PPP2R5E: variants seen among roughly 807,000 people sequenced by gnomAD.
The protein encoded by PPP2R5E is serine/threonine-protein phosphatase 2A 56 kDa regulatory subunit epsilon isoform.
In PPP2R5E, 4 loss-of-function variants were observed where a neutral mutation model predicts 65.3. That is an observed-to-expected ratio of 0.06 (90% confidence interval 0.03 to 0.14). The LOEUF is 0.14. Among genes scored for constraint, PPP2R5E ranks in the 10% least tolerant of loss-of-function variants. The pLI is 1.00. For missense variants in PPP2R5E, 274 were observed against 556.1 expected, an observed-to-expected ratio of 0.49 and a Z score of 5.10; for synonymous variants, 183 against 187.4, an observed-to-expected ratio of 0.98 and a Z score of 0.19.
At chr14:63,493,481 C>CGT (rs1891383706) in intron 2 of PPP2R5E, among the ~76,000 whole-genome samples, 1 of 115,012 alleles carries the variant, frequency 8.7e-6, no homozygotes, top group East Asian at 2.4e-4. Flanking sequence ...TTACCGCGCG[C>CGT]GCGTGTGTGT....
intron 3 of PPP2R5E, among the ~76,000 whole-genome samples, chr14:63,425,946 T>C (rs1257097269): frequency 6.6e-6 from 1 of 152,216 alleles, no homozygotes; most frequent in Non-Finnish European, 1.5e-5. Context: ...GTTCTATAAG[T>C]ATATACATTT....
chr14:63,493,592 CTAAA>C (rs1386653506), intron 2 of PPP2R5E, among the ~76,000 whole-genome samples: 10 of 152,026 alleles, frequency 6.6e-5, no homozygotes, highest in South Asian at 6.2e-4. Context: ...GTGACAGCAG[CTAAA>C]TAAAGGCTGC....
At position 63,434,611 on chromosome 14, in the gene PPP2R5E, T is replaced by G. The variant is rs112648873; in HGVS notation, c.355-12517A>C. ...GTCCAGGGCACATGGATATCCTTAA[T>G]TTCTTTACTTCCAGTTACATATAGA... On this transcript the variant is annotated intron_variant, in intron 3 of 13. Coordinates refer to ENST00000337537, the MANE Select transcript of PPP2R5E (RefSeq NM_006246.5). 4.8e-3 allele frequency among the ~76,000 whole-genome samples: 737 copies of G among 152,328 alleles called. 4 individuals carry two copies. Among genetic ancestry groups the G allele is most frequent in the Non-Finnish European group, 6.7e-3 (459 of 68,036 alleles).
chr14:63,390,873 C>T (rs1326810175), intron 10 of PPP2R5E, among the ~76,000 whole-genome samples: 5 of 152,194 alleles, frequency 3.3e-5, no homozygotes, highest in Admixed American at 3.3e-4. Context: ...TTAGGCTCAA[C>T]TCCAGCTAAG....
At chr14:63,478,726 G>C (rs773802461) in intron 2 of PPP2R5E, among the ~76,000 whole-genome samples, 1 of 152,142 alleles carries the variant, frequency 6.6e-6, no homozygotes, top group African/African-American at 2.4e-5. Context: ...TCTAGGATAT[G>C]AAGTACACAC....
At chr14:63,529,691 TAA>T (rs1893334516) in intron 2 of PPP2R5E, among the ~76,000 whole-genome samples, 1 of 152,170 alleles carries the variant, frequency 6.6e-6, no homozygotes, top group African/African-American at 2.4e-5. Context: ...GACTGTTTTC[TAA>T]AGTCATCAAG....
rs1566657220 is a variant in PPP2R5E at position 63,374,670 on chromosome 14, A to ATAT, written c.*1338_*1339insATA. ...ATATATATATATATATATATATATA[A>ATAT]AATACAGCCCTAGATTTTGTTTTTT... On this transcript the variant is annotated 3_prime_UTR_variant, in exon 14 of 14. Coordinates refer to ENST00000337537, the MANE Select transcript of PPP2R5E (RefSeq NM_006246.5). 4 of 110,892 alleles carry ATAT rather than the reference A, an allele frequency of 3.6e-5. No individual in the cohort carries two copies. The East Asian group carries it at 6.9e-4, about 19-fold the overall frequency. The allele number at this position is 110,892 out of a possible 1,614,324, so 6.9% of individuals were successfully genotyped here. A position where few individuals can be genotyped will look rare whatever the true frequency, so the allele number is the denominator to read the frequency against.
At position 63,485,842 on chromosome 14, in the gene PPP2R5E, T is replaced by C. The variant is rs1364321189; in HGVS notation, c.158-31957A>G. Reference sequence around the variant, plus strand: ...CTGACAAACTTTTTTTTTTTTTTTTTTTTTGATACTGAGTCTCCCTCTGTC... The same window carrying C: ...CTGACAAACTTTTTTTTTTTTTTTTCTTTTGATACTGAGTCTCCCTCTGTC... On this transcript the variant is annotated intron_variant, in intron 2 of 13. Coordinates refer to ENST00000337537, the MANE Select transcript of PPP2R5E (RefSeq NM_006246.5). 2.7e-5 allele frequency among the ~76,000 whole-genome samples: 4 copies of C among 149,798 alleles called. No individual in the cohort carries two copies. In the East Asian group the frequency reaches 7.8e-4, roughly 29 times the overall value.
At chr14:63,468,282 T>C (rs1481176480) in intron 2 of PPP2R5E, among the ~76,000 whole-genome samples, 5 of 152,116 alleles carry the variant, frequency 3.3e-5, no homozygotes, top group Non-Finnish European at 7.4e-5. Flanking sequence ...ATGAACAATA[T>C]AAATTGTTGA....
In PPP2R5E at chr14:63,518,383, A is replaced by G. The variant is rs561792785; in HGVS notation, c.157+21146T>C. The stretch of plus-strand genomic sequence containing the variant: ...TAGCCTCTGGAGTAGCTGGGACTAC[A>G]GGTATACATCACCATGCCAGGCTAA... On this transcript the variant is annotated intron_variant, in intron 2 of 13. Transcript: ENST00000337537. Among the ~76,000 whole-genome samples, 3 of 152,060 alleles carry G rather than the reference A, an allele frequency of 2.0e-5. No individual in the cohort carries two copies. In the South Asian group the frequency reaches 6.2e-4, roughly 32 times the overall value.
intron 2 of PPP2R5E, among the ~76,000 whole-genome samples, chr14:63,471,152 TAC>T (rs2139557874): frequency 6.6e-6 from 1 of 152,270 alleles, no homozygotes; most frequent in African/African-American, 2.4e-5. Flanking sequence ...GAATGGAGAG[TAC>T]ACATAAAAAT....
rs373348170 is a variant in PPP2R5E, at chr14:63,506,329, T to C, written c.157+33200A>G. On this transcript the variant is annotated intron_variant, in intron 2 of 13. Transcript: ENST00000337537. ...AGCCGGGCATGGTGGCGGGCGCCTG[T>C]AGTCCCAGCTACTCAGGAGGCTGAG... Among the ~76,000 whole-genome samples the C allele has an allele frequency of 4.0e-3, 607 of 152,166 alleles. 4 individuals carry two copies. Among genetic ancestry groups the C allele is most frequent in the African/African-American group, 0.013 (558 of 41,508 alleles).
At chr14:63,539,371 G>C (rs1376532157) in intron 2 of PPP2R5E, among the ~76,000 whole-genome samples, 158 bp downstream of exon 2, 1 of 152,178 alleles carries the variant, frequency 6.6e-6, no homozygotes. Flanking sequence ...TTAAAAAGGA[G>C]AGTGGGTATA....
In PPP2R5E at chr14:63,531,276, C is replaced by T. The variant is rs1255781; in HGVS notation, c.157+8253G>A. On this transcript the variant is annotated intron_variant, in intron 2 of 13. Coordinates refer to ENST00000337537, the MANE Select transcript of PPP2R5E (RefSeq NM_006246.5). Reference sequence around the variant, plus strand: ...ATTAGGTATATCTCCTAATGCTATCCGTCCCCCATCCCCCCGACCCCACAA... The same window carrying T: ...ATTAGGTATATCTCCTAATGCTATCTGTCCCCCATCCCCCCGACCCCACAA... Among the ~76,000 whole-genome samples the T allele has an allele frequency of 7.0e-3, 1,060 of 152,072 alleles. 14 individuals carry two copies. The highest frequency in any genetic ancestry group is 0.024 in the African/African-American group (1,000 of 41,464).
intron 2 of PPP2R5E, among the ~76,000 whole-genome samples, chr14:63,525,603 G>T (rs1594972445): frequency 1.3e-5 from 2 of 152,114 alleles, no homozygotes; most frequent in South Asian, 4.1e-4. Flanking sequence ...TCTGATGAAA[G>T]CTCTACCTTT....
intron 5 of PPP2R5E, among the ~76,000 whole-genome samples, chr14:63,414,907 G>A (rs1270526850): frequency 6.6e-6 from 1 of 152,062 alleles, no homozygotes; most frequent in Admixed American, 6.6e-5. Context: ...TAGGGATTTA[G>A]GCATTAGCAT....
chr14:63,407,420 C>T (rs1886147634), intron 5 of PPP2R5E, among the ~76,000 whole-genome samples: 1 of 152,136 alleles, frequency 6.6e-6, no homozygotes, highest in Non-Finnish European at 1.5e-5. Flanking sequence ...ATGGTGCTAT[C>T]ATACAAAAAT....
intron 2 of PPP2R5E, among the ~76,000 whole-genome samples, chr14:63,459,140 C>A (rs897217511): frequency 2.0e-5 from 3 of 152,102 alleles, no homozygotes; most frequent in African/African-American, 7.2e-5. Context: ...TCTCATAGTT[C>A]TAAGGAGATG....
At chr14:63,422,786 T>G (rs1887114522) in intron 3 of PPP2R5E, among the ~76,000 whole-genome samples, 1 of 150,704 alleles carries the variant, frequency 6.6e-6, no homozygotes, top group Non-Finnish European at 1.5e-5. Context: ...TGTGCTTCCC[T>G]TATCAGGCTT....
Sources: gnomAD v4.1 joint callset for allele counts (sites outside exome capture counted in the v4.1 genomes callset) on GRCh38, gnomAD v4.1.1 for gene constraint, MANE v1.5 for transcripts, NCBI Gene and HGNC (gene_info 2026-07-23, HGNC 2026-07-21) for gene names.